CRMP1: variants seen among roughly 807,000 people sequenced by gnomAD.
The protein encoded by CRMP1 is dihydropyrimidinase-related protein 1.
CRMP1 carries 19 observed loss-of-function variants against 68.3 expected under a neutral mutation model. That is an observed-to-expected ratio of 0.28 (90% confidence interval 0.19 to 0.41). CRMP1 has a LOEUF of 0.41. Ranked by LOEUF, CRMP1 falls within the 10% of genes least tolerant of loss-of-function variation. CRMP1 has a pLI of 1.00. For synonymous variants in CRMP1, 439 were observed against 399.6 expected, an observed-to-expected ratio of 1.10 and a Z score of -1.18; for missense variants, 791 against 967.4, an observed-to-expected ratio of 0.82 and a Z score of 2.42.
rs551174473 is a variant in CRMP1, at chr4:5,845,904, A to G, written c.964-2743T>C. 5.3e-5 allele frequency among the ~76,000 whole-genome samples: 8 copies of G among 152,228 alleles called. No individual in the cohort carries two copies. The South Asian group carries it at 1.7e-3, about 32-fold the overall frequency. ...CAGCCATAAACAGTCTTGCGAAGAA[A>G]CCAAGGATGTGAGTCTACAGCCCCT... On this transcript the variant is annotated intron_variant, in intron 6 of 13. Transcript: ENST00000324989.
intron 11 of CRMP1, among the ~76,000 whole-genome samples, chr4:5,830,090 G>T (rs1271746171): frequency 6.6e-6 from 1 of 152,212 alleles, no homozygotes; most frequent in Non-Finnish European, 1.5e-5. Flanking sequence ...ATTTGCATCT[G>T]TGACTGAGAC....
rs1392701284 is a variant in CRMP1 at position 5,866,323 on chromosome 4, C to G, written c.470+345G>C. Among the ~76,000 whole-genome samples the G allele has an allele frequency of 6.6e-6, 1 of 152,232 alleles. No individual in the cohort carries two copies. Among genetic ancestry groups the G allele is most frequent in the Non-Finnish European group, 1.5e-5 (1 of 68,052 alleles). ...GGTGGAATCCGGGCCTTGACCCTAA[C>G]TCACCCCGTCATATGGGGCCAGGTA... is the stretch of plus-strand genomic sequence containing the variant. On this transcript the variant is annotated intron_variant, in intron 2 of 13. Transcript: ENST00000324989. This position sits in a 1 kb window ranked among gnomAD's most constrained non-coding sequence, Gnocchi z 5.9.
chr4:5,856,428 T>C, intron 3 of CRMP1, 121 bp from the exon 4 acceptor site: 1 of 885,124 alleles, frequency 1.1e-6, no homozygotes, highest in Non-Finnish European at 1.7e-6. Flanking sequence ...ATCATCACCA[T>C]AATTATCACA....
chr4:5,840,281 G>A (rs914062578), intron 8 of CRMP1, among the ~76,000 whole-genome samples: 11 of 152,326 alleles, frequency 7.2e-5, no homozygotes, highest in South Asian at 6.2e-4. Flanking sequence ...GCGGCTTCCC[G>A]AGCACTAACT....
chr4:5,839,452 CCCA>C lies in CRMP1; in HGVS notation c.1310+67_1310+69del, dbSNP rs1239787622. 5.2e-6 allele frequency: 8 copies of C among 1,533,460 alleles called. No individual in the cohort carries two copies. In the East Asian group the frequency reaches 1.5e-4, roughly 28 times the overall value. 95.0% of individuals were successfully genotyped at this position (1,533,460 alleles called of 1,614,324 possible). ...ATGAGTCCAAACCAGCCTGCGGATT[CCCA>C]CCATTAACTCTCTGCCTCCAAAGGC... On this transcript the variant is annotated intron_variant, in intron 9 of 13. Transcript: ENST00000324989.
At chr4:5,826,412 G>T in intron 12 of CRMP1, 1 of 151,874 alleles carries the variant, frequency 6.6e-6, no homozygotes. Context: ...GGGACAAGGA[G>T]TGGGCCAGGT....
In CRMP1 at chr4:5,841,326, C is replaced by T. The variant is rs1450790289; in HGVS notation, c.1135G>A (p.Ala379Thr). 1.2e-6 allele frequency: 2 copies of T among 1,613,912 alleles called. No individual in the cohort carries two copies. The highest frequency in any genetic ancestry group is 1.3e-5 in the African/African-American group (1 of 74,988). Residue 379 changes from alanine to threonine, a missense_variant, in exon 8 of 14, where the codon GCT becomes ACT. Physicochemically the swap from Ala to Thr is moderately conservative, Grantham distance 58 (BLOSUM62 0). Transcript: ENST00000324989. The surrounding 1 kb of genome is among the most constrained non-coding windows in gnomAD (Gnocchi z 6.9). ...VMSKSAADIIALARKKGPLVF... is the reference protein window; with the variant it reads ...VMSKSAADIITLARKKGPLVF... ...TGCATACCTTTCTTCCTGGCCAGAGCGATGATGTCGGCTGCACTCTTGCTC... is the reference window on the plus strand; with the variant it reads ...TGCATACCTTTCTTCCTGGCCAGAGTGATGATGTCGGCTGCACTCTTGCTC...
Position 5,854,026 on chromosome 4 carries a change from G to A in CRMP1, c.820+2117C>T, listed in dbSNP as rs1426911801. Among the ~76,000 whole-genome samples, 8 of 152,136 alleles carry A rather than the reference G, an allele frequency of 5.3e-5. No homozygotes were observed. Among genetic ancestry groups the A allele is most frequent in the African/African-American group, 1.4e-4 (6 of 41,422 alleles). On this transcript the variant is annotated intron_variant, in intron 4 of 13. Transcript: ENST00000324989. This position sits in a 1 kb window ranked among gnomAD's most constrained non-coding sequence, Gnocchi z 4.0. ...GCAGCACAGACCCACTAGGCCTCAC[G>A]GAGCCCAGTGTCTTTCCCTACAAAC... is the stretch of plus-strand genomic sequence containing the variant.
intron 12 of CRMP1, among the ~76,000 whole-genome samples, chr4:5,827,624 A>G (rs1375046417): frequency 1.4e-5 from 2 of 144,462 alleles, no homozygotes; most frequent in Admixed American, 6.9e-5. Flanking sequence ...ACACGCGCAC[A>G]CACACACACT....
intron 12 of CRMP1, among the ~76,000 whole-genome samples, chr4:5,827,433 G>A (rs1719814053): frequency 6.6e-6 from 1 of 152,190 alleles, no homozygotes; most frequent in African/African-American, 2.4e-5. Context: ...ACACCTTATG[G>A]AAGCTGGGGA....
intron 12 of CRMP1, among the ~76,000 whole-genome samples, chr4:5,827,135 C>T (rs1294840065): frequency 6.6e-6 from 1 of 152,190 alleles, no homozygotes; most frequent in Non-Finnish European, 1.5e-5. Context: ...TCCTATTGCT[C>T]CTGCAAATTG....
rs1328308295 is a variant in CRMP1 at position 5,891,622 on chromosome 4, G to T, written c.381+967C>A. ...GGACCTAGCGCCTACCCTGGGCCTG[G>T]CACCTAGCAGTTCTCCGGCATCCAG... is the stretch of plus-strand genomic sequence containing the variant. On this transcript the variant is annotated intron_variant, in intron 1 of 13. Coordinates refer to ENST00000324989, the MANE Select transcript of CRMP1 (RefSeq NM_001014809.3). The surrounding 1 kb of genome is among the most constrained non-coding windows in gnomAD (Gnocchi z 5.2). Among the ~76,000 whole-genome samples the T allele has an allele frequency of 6.6e-6, 1 of 152,202 alleles. No homozygotes were observed. Among genetic ancestry groups the T allele is most frequent in the Non-Finnish European group, 1.5e-5 (1 of 68,042 alleles).
intron 11 of CRMP1, among the ~76,000 whole-genome samples, chr4:5,831,945 TG>T (rs1720409838): frequency 6.6e-6 from 1 of 152,204 alleles, no homozygotes; most frequent in African/African-American, 2.4e-5. Context: ...CAAGCTCATG[TG>T]TGCATAAACT....
In CRMP1 at chr4:5,856,153, C is replaced by A; in HGVS notation, c.810G>T (p.Val270=). 6.2e-7 allele frequency: 1 copy of A among 1,613,942 alleles called. No homozygotes were observed. The highest frequency in any genetic ancestry group is 8.5e-7 in the Non-Finnish European group (1 of 1,179,884). Residue 270 remains valine, a synonymous_variant, in exon 4 of 14, where the codon GTG becomes GTT. Coordinates refer to ENST00000324989, the MANE Select transcript of CRMP1 (RefSeq NM_001014809.3). ...GAGGCTTTAACTGACCTTTGTCCTG[C>A]ACCAGCACCTCCAGCTCCTCCCGAA... is the stretch of plus-strand genomic sequence containing the variant. ...DGVREELEVL[V]QDKGVNSFQV...
At position 5,835,930 on chromosome 4, in the gene CRMP1, G is replaced by C; in HGVS notation, c.1608C>G (p.Ala536=). The C allele has an allele frequency of 6.4e-7, 1 of 1,553,668 alleles. No homozygotes were observed. Among genetic ancestry groups the C allele is most frequent in the Non-Finnish European group, 8.7e-7 (1 of 1,152,776 alleles). ...CAGGACTTACCGACTTGTGACTTTT[G>C]GCTGTTATGGTCTTCAACTTGTCGG... ...WDPDKLKTIT[A]KSHKSAVEYN... The change falls in exon 11 of 14, where the codon GCC becomes GCG. Residue 536 remains alanine (A), a synonymous_variant. Coordinates refer to ENST00000324989, the MANE Select transcript of CRMP1 (RefSeq NM_001014809.3).
Position 5,866,427 on chromosome 4 carries a change from T to C in CRMP1, c.470+241A>G, listed in dbSNP as rs1714004866. Reference sequence around the variant, plus strand: ...CATTTTGCAGCCTTTGTGTGAGCATTGCAAGAGAGGAGCTGCCTCAGCCGT... The same window carrying C: ...CATTTTGCAGCCTTTGTGTGAGCATCGCAAGAGAGGAGCTGCCTCAGCCGT... On this transcript the variant is annotated intron_variant, in intron 2 of 13. Transcript: ENST00000324989. This position sits in a 1 kb window ranked among gnomAD's most constrained non-coding sequence, Gnocchi z 5.9. 6.6e-6 allele frequency among the ~76,000 whole-genome samples: 1 copy of C among 152,200 alleles called. No homozygotes were observed. The highest frequency in any genetic ancestry group is 2.4e-5 in the African/African-American group (1 of 41,458).
At chr4:5,833,814 A>G (rs62297712) in intron 11 of CRMP1, among the ~76,000 whole-genome samples, 52,151 of 151,870 alleles carry the variant, frequency 0.34, 10,264 homozygotes, top group African/African-American at 0.54. Context: ...GGAGGCCCAC[A>G]CGGGCGGATC....
chr4:5,873,588 C>T (rs1208611127), intron 1 of CRMP1, among the ~76,000 whole-genome samples: 1 of 152,032 alleles, frequency 6.6e-6, no homozygotes, highest in Non-Finnish European at 1.5e-5. Context: ...ATAACCAGAT[C>T]TCCTCAGAAC....
At position 5,889,651 on chromosome 4, in the gene CRMP1, T is replaced by C; in HGVS notation, c.381+2938A>G. On this transcript the variant is annotated intron_variant, in intron 1 of 13. Transcript: ENST00000324989. The surrounding 1 kb of genome is among the most constrained non-coding windows in gnomAD (Gnocchi z 4.5). Reference sequence around the variant, plus strand: ...TTGTCCACCACTTCGTTGTTCATTTTCTGCATGCGAAATCCAACCCCACAG... The same window carrying C: ...TTGTCCACCACTTCGTTGTTCATTTCCTGCATGCGAAATCCAACCCCACAG... 6.5e-7 allele frequency: 1 copy of C among 1,536,200 alleles called. No individual in the cohort carries two copies. The highest frequency in any genetic ancestry group is 1.2e-5 in the South Asian group (1 of 84,064).
Sources: allele counts gnomAD v4.1 joint callset (sites outside exome capture counted in the v4.1 genomes callset), GRCh38; gene constraint gnomAD v4.1.1; non-coding constraint Gnocchi (gnomAD v3.1); transcripts MANE v1.5; gene names NCBI Gene and HGNC (gene_info 2026-07-23, HGNC 2026-07-21).